Variants in IFI16 observed in about 807,000 individuals in gnomAD.
IFI16 encodes the protein gamma-interferon-inducible protein 16.
Under a neutral mutation model 68.4 loss-of-function variants are expected in IFI16, and 49 were observed. The ratio of observed to expected loss-of-function variants is 0.72; its 90% CI spans 0.57 to 0.91. The LOEUF (loss-of-function observed/expected upper bound fraction) is 0.91. IFI16 is among the 40% of genes least tolerant of loss of function. The pLI is 0.00. For synonymous variants in IFI16, 307 were observed against 315.0 expected, an observed-to-expected ratio of 0.97 and a Z score of 0.27; for missense variants, 878 against 942.9, an observed-to-expected ratio of 0.93 and a Z score of 0.90.
At chr1:159,034,959 C>T (rs913641266) in intron 7 of IFI16, among the ~76,000 whole-genome samples, 1 of 152,168 alleles carries the variant, frequency 6.6e-6, no homozygotes, top group African/African-American at 2.4e-5. Flanking sequence ...TTGTAGTCAC[C>T]TGCACTGAGG....
rs1201561611 is a variant in IFI16 at position 159,051,815 on chromosome 1, A to G, written c.1802A>G (p.His601Arg). 9.9e-6 allele frequency: 16 copies of G among 1,614,030 alleles called. No homozygotes were observed. In the Admixed American group the frequency reaches 2.7e-4, roughly 27 times the overall value. The change falls in exon 10 of 12, where the codon CAT becomes CGT. Residue 601 changes from histidine (H) to arginine (R), a missense_variant. By Grantham distance (29) the His-to-Arg change is conservative. Coordinates refer to ENST00000295809, the MANE Select transcript of IFI16 (RefSeq NM_001376587.1). ...YEPKEQKKMF[H>R]ATVATENEVF... The stretch of plus-strand genomic sequence containing the variant: ...CCCAAAGAGCAGAAGAAAATGTTTC[A>G]TGCCACAGTGGCAACTGAGAATGAA...
upstream of IFI16, among the ~76,000 whole-genome samples, chr1:159,005,427 TCA>T (rs1652216736): frequency 6.6e-6 from 1 of 152,178 alleles, no homozygotes; most frequent in South Asian, 2.1e-4. Context: ...CATGACTGGT[TCA>T]CATCACTCCC....
At position 159,053,615 on chromosome 1, in the gene IFI16, C is replaced by A. The variant is rs750152730; in HGVS notation, c.2168C>A (p.Thr723Asn). The part of the protein sequence containing the change: ...KMEVVVHGRL[T>N]TINCEEGDKL... Reference sequence around the variant, plus strand: ...GAAGTGGTGGTGCATGGACGACTGACCACAATCAACTGTGAGGAAGGAGAT... The same window carrying A: ...GAAGTGGTGGTGCATGGACGACTGAACACAATCAACTGTGAGGAAGGAGAT... Residue 723 changes from threonine (T) to asparagine (N), a missense_variant, in exon 11 of 12, where the codon ACC becomes AAC. By Grantham distance (65) the Thr-to-Asn change is moderately conservative (BLOSUM62 0). Around this residue, in one of 4 missense-constraint regions of IFI16, gnomAD observed 311 missense variants for 305.1 expected, o/e 1.02. Coordinates refer to ENST00000295809, the MANE Select transcript of IFI16 (RefSeq NM_001376587.1). 1 of 1,613,584 alleles carries A rather than the reference C, an allele frequency of 6.2e-7. No homozygotes were observed. The highest frequency in any genetic ancestry group is 8.5e-7 in the Non-Finnish European group (1 of 1,179,610).
At chr1:159,041,817 AAG>A (rs1654661823) in intron 7 of IFI16, among the ~76,000 whole-genome samples, 1 of 152,160 alleles carries the variant, frequency 6.6e-6, no homozygotes, top group Non-Finnish European at 1.5e-5. Context: ...AGCCTATAAA[AAG>A]GGGGATTTTG....
intron 7 of IFI16, among the ~76,000 whole-genome samples, chr1:159,043,651 G>A (rs1239286438): frequency 2.6e-5 from 4 of 152,142 alleles, no homozygotes; most frequent in Non-Finnish European, 2.9e-5. Flanking sequence ...ATTCAAAGCC[G>A]GAAACAGACT....
At chr1:159,015,114 A>G (rs1004326542) in intron 2 of IFI16, among the ~76,000 whole-genome samples, 169 bp downstream of exon 2, 1 of 152,228 alleles carries the variant, frequency 6.6e-6, no homozygotes, top group Non-Finnish European at 1.5e-5. Flanking sequence ...AACTTAGTGC[A>G]TTCCATTACT....
intron 9 of IFI16, among the ~76,000 whole-genome samples, 197 bp downstream of exon 9, chr1:159,049,796 A>G (rs1424940917): frequency 6.6e-6 from 1 of 152,198 alleles, no homozygotes; most frequent in African/African-American, 2.4e-5. Flanking sequence ...TCTATTCCAT[A>G]ACAGGTATAA....
At position 159,052,012 on chromosome 1, in the gene IFI16, A is replaced by G; in HGVS notation, c.1999A>G (p.Arg667Gly). Reference sequence around the variant, plus strand: ...CATGGAGATCCCAAAAGGATTGATTAGAAGTGCCAGCGTAACTCCTAAAAT... The same window carrying G: ...CATGGAGATCCCAAAAGGATTGATTGGAAGTGCCAGCGTAACTCCTAAAAT... ...RNMEIPKGLI[R>G]SASVTPKINQ... Residue 667 changes from arginine to glycine, a missense_variant, in exon 10 of 12, where the codon AGA (arginine) becomes GGA (glycine). This residue lies in a region of IFI16 where 311 missense variants were observed against 305.1 expected (regional missense o/e 1.02). Coordinates refer to ENST00000295809, the MANE Select transcript of IFI16 (RefSeq NM_001376587.1). The G allele has an allele frequency of 6.2e-7, 1 of 1,614,098 alleles. No homozygotes were observed. The highest frequency in any genetic ancestry group is 2.2e-5 in the East Asian group (1 of 44,892).
At chr1:159,043,344 T>C (rs1313185756) in intron 7 of IFI16, among the ~76,000 whole-genome samples, 3 of 152,248 alleles carry the variant, frequency 2.0e-5, no homozygotes, top group Non-Finnish European at 4.4e-5. Flanking sequence ...CATACTGGCT[T>C]GGAAGTGACA....
chr1:159,004,078 C>A (rs980134035), upstream of IFI16, among the ~76,000 whole-genome samples: 2 of 152,184 alleles, frequency 1.3e-5, no homozygotes, highest in African/African-American at 4.8e-5. Context: ...GATTGTCAAC[C>A]CTTAATCTAA....
At chr1:159,026,753 A>C (rs1309486688) in intron 6 of IFI16, among the ~76,000 whole-genome samples, 1 of 151,880 alleles carries the variant, frequency 6.6e-6, no homozygotes, top group Non-Finnish European at 1.5e-5. Context: ...TAAGTGTTTT[A>C]TTTTATTTAT....
chr1:159,020,773 TATG>T (rs1296161272), intron 6 of IFI16, among the ~76,000 whole-genome samples: 6 of 152,184 alleles, frequency 3.9e-5, no homozygotes, highest in Non-Finnish European at 5.9e-5. Context: ...CTCTGAATTT[TATG>T]TAAACTTTTA....
Position 159,013,314 on chromosome 1 carries a change from G to A in IFI16, c.-20-1347G>A, listed in dbSNP as rs755990257. Among the ~76,000 whole-genome samples, 6 of 151,726 alleles carry A rather than the reference G, an allele frequency of 4.0e-5. No homozygotes were observed. The South Asian group carries it at 6.3e-4, about 16-fold the overall frequency. The stretch of plus-strand genomic sequence containing the variant: ...CTCCCGAGTAGCTGGGACTGCAAGC[G>A]CTTGCCACCACACCTGGCTAATTTT... On this transcript the variant is annotated intron_variant, in intron 1 of 11. Transcript: ENST00000295809.
rs2239889 is a variant in IFI16, at chr1:159,018,218, A to G, written c.550-11A>G. 7.3e-4 allele frequency: 1,169 copies of G among 1,610,628 alleles called. 17 individuals are homozygous for G. The East Asian group carries it at 0.025, about 35-fold the overall frequency. ...ACATTTTTCTTTGTTCTCCTGTGCT[A>G]TCATACACAGAACCCGAAAACAGTG... On this transcript the variant is annotated splice_polypyrimidine_tract_variant and intron_variant, in intron 4 of 11. Coordinates refer to ENST00000295809, the MANE Select transcript of IFI16 (RefSeq NM_001376587.1).
At chr1:159,042,245 T>C (rs1423131642) in intron 7 of IFI16, among the ~76,000 whole-genome samples, 3 of 152,230 alleles carry the variant, frequency 2.0e-5, no homozygotes, top group African/African-American at 7.2e-5. Flanking sequence ...ATATGGATTA[T>C]TCCTGGTTTT....
chr1:159,038,295 G>A (rs1654437200), intron 7 of IFI16, among the ~76,000 whole-genome samples: 2 of 152,098 alleles, frequency 1.3e-5, no homozygotes, highest in South Asian at 4.1e-4. Context: ...TTGGGTGTTC[G>A]AAACCATAAC....
In IFI16 at chr1:159,046,452, C is replaced by A. The variant is rs562389471; in HGVS notation, c.1497+988C>A. ...AGGATAACATTTTTATATTTGATAT[C>A]TTCTACCATGTCTCCCTTTAAATAA... is the stretch of plus-strand genomic sequence containing the variant. On this transcript the variant is annotated intron_variant, in intron 8 of 11. Transcript: ENST00000295809. 7.5e-4 allele frequency among the ~76,000 whole-genome samples: 113 copies of A among 151,380 alleles called. 1 individual carries two copies. Among genetic ancestry groups the A allele is most frequent in the African/African-American group, 2.7e-3 (111 of 41,398 alleles).
intron 7 of IFI16, among the ~76,000 whole-genome samples, chr1:159,036,756 A>T (rs1654349757): frequency 6.6e-6 from 1 of 152,124 alleles, no homozygotes; most frequent in African/African-American, 2.4e-5. Context: ...CAATAATCAG[A>T]TGCTGTATCT....
intron 1 of IFI16, 109 bp downstream of exon 1, chr1:159,010,270 A>G (rs1365522486): frequency 6.6e-6 from 1 of 152,192 alleles, no homozygotes; most frequent in Non-Finnish European, 1.5e-5. Flanking sequence ...GGATGATGGG[A>G]GTAGGGCTGA....
Sources: allele counts gnomAD v4.1 joint callset (sites outside exome capture counted in the v4.1 genomes callset), GRCh38; gene constraint gnomAD v4.1.1; regional missense constraint gnomAD v4.1.1; transcripts MANE v1.5; gene names NCBI Gene and HGNC (gene_info 2026-07-23, HGNC 2026-07-21).